RASA4: variants seen among roughly 807,000 people sequenced by gnomAD.
The protein encoded by RASA4 is RAS p21 protein activator 4.
RASA4 carries 5 observed loss-of-function variants against 24.0 expected under a neutral mutation model. The ratio of observed to expected loss-of-function variants is 0.21; its 90% CI spans 0.11 to 0.44. RASA4 has a LOEUF of 0.44. Among genes scored for constraint, RASA4 ranks in the 20% least tolerant of loss-of-function variants. The probability of loss-of-function intolerance (pLI) is 0.99; values close to 1 mark genes in which losing one functional copy is unlikely to be tolerated. For synonymous variants in RASA4, 9 were observed against 132.7 expected (o/e 0.07, Z 6.41); for missense variants, 38 against 293.0 (o/e 0.13, Z 6.35).
chr7:102,579,888 C>T lies in RASA4; in HGVS notation c.*2883G>A. 2.8e-5 allele frequency: 5 copies of T among 176,978 alleles called. No homozygotes were observed. In the South Asian group the frequency reaches 3.0e-4, roughly 10 times the overall value. The allele number at this position is 176,978 out of a possible 1,614,324, so 11.0% of individuals were successfully genotyped here. A position where few individuals can be genotyped will look rare whatever the true frequency, so the allele number is the denominator to read the frequency against. On this transcript the variant is annotated 3_prime_UTR_variant, in exon 21 of 21. Transcript: ENST00000262940. ...TTATCCTAAATATTCCATAAACATTCCACTATGTAGCTCTGAAAGATAAGG... is the reference window on the plus strand; with the variant it reads ...TTATCCTAAATATTCCATAAACATTTCACTATGTAGCTCTGAAAGATAAGG...
chr7:102,604,234 GTTCT>G (rs1263768078), intron 5 of RASA4, among the ~76,000 whole-genome samples: 1 of 150,792 alleles, frequency 6.6e-6, no homozygotes, highest in Non-Finnish European at 1.5e-5. Context: ...ATGAGGAAAT[GTTCT>G]TTCTTTCTCC....
At chr7:102,613,756 G>A (rs1284465649) in intron 1 of RASA4, among the ~76,000 whole-genome samples, 4 of 152,006 alleles carry the variant, frequency 2.6e-5, no homozygotes, top group African/African-American at 9.7e-5. Context: ...AGGAGGATCA[G>A]GGAAAACCCC....
chr7:102,602,724 G>C (rs1790407556), intron 5 of RASA4, among the ~76,000 whole-genome samples: 1 of 120,964 alleles, frequency 8.3e-6, no homozygotes, highest in Non-Finnish European at 1.7e-5. Context: ...GAACCGCCGG[G>C]GCAATGTTCC....
intron 8 of RASA4, 77 bp from the exon 9 acceptor site, chr7:102,596,206 T>G: frequency 7.6e-7 from 1 of 1,309,352 alleles, no homozygotes; most frequent in Non-Finnish European, 1.1e-6. Context: ...GGCCTCCAGT[T>G]TTTTCCCTTG....
At chr7:102,598,363 ATAT>A (rs1790324612) in intron 8 of RASA4, among the ~76,000 whole-genome samples, 3 of 121,712 alleles carry the variant, frequency 2.5e-5, no homozygotes, top group African/African-American at 8.9e-5. Flanking sequence ...AAAAAAAAAT[ATAT>A]ATATATATAT....
chr7:102,584,623 TAA>T (rs1366398815), intron 18 of RASA4, among the ~76,000 whole-genome samples: 7 of 11,982 alleles, frequency 5.8e-4, no homozygotes, highest in Non-Finnish European at 2.9e-3. Flanking sequence ...GGTTGCTGGG[TAA>T]CTTTTGGTTT....
chr7:102,603,224 G>C (rs1790444755), intron 5 of RASA4, among the ~76,000 whole-genome samples: 1 of 139,524 alleles, frequency 7.2e-6, no homozygotes, highest in South Asian at 2.4e-4. Context: ...GCCTCCCAAA[G>C]TGCTGGGATT....
At chr7:102,603,860 A>ACC (rs776553469) in intron 5 of RASA4, among the ~76,000 whole-genome samples, 54 of 98,632 alleles carry the variant, frequency 5.5e-4, no homozygotes, top group Non-Finnish European at 8.1e-4. Context: ...AAAAAAAAAA[A>ACC]CCACCAAAAA....
chr7:102,591,069 G>C (rs1243584692), intron 16 of RASA4, among the ~76,000 whole-genome samples: 2 of 118,970 alleles, frequency 1.7e-5, no homozygotes, highest in Non-Finnish European at 3.4e-5. Flanking sequence ...GATTGCCTGA[G>C]GCCAGGAGTT....
chr7:102,606,395 CAAAAAAAAA>C (rs555519087), intron 4 of RASA4, among the ~76,000 whole-genome samples: 26 of 55,488 alleles, frequency 4.7e-4, no homozygotes, highest in East Asian at 1.7e-3. Flanking sequence ...GACCCCATCT[CAAAAAAAAA>C]AAAAAAAAAA....
Position 102,580,395 on chromosome 7 carries a change from T to C in RASA4, c.*2376A>G, listed in dbSNP as rs1789633828. 2.0e-5 allele frequency: 2 copies of C among 101,764 alleles called. No homozygotes were observed. Among genetic ancestry groups the C allele is most frequent in the Admixed American group, 1.2e-4 (1 of 8,684 alleles). The allele number at this position is 101,764 out of a possible 1,614,324, so 6.3% of individuals were successfully genotyped here. ...TCAAGTCTCCTTTATTTTCCTTTTT[T>C]TTTTTTTTTTTTTTTTAATTTTAGG... On this transcript the variant is annotated 3_prime_UTR_variant, in exon 21 of 21. Transcript: ENST00000262940.
chr7:102,591,061 T>C (rs1488651138), intron 16 of RASA4, among the ~76,000 whole-genome samples: 4 of 124,042 alleles, frequency 3.2e-5, no homozygotes, highest in Admixed American at 7.9e-5. Context: ...GGCAGGAGGA[T>C]TGCCTGAGGC....
chr7:102,585,227 CAA>C lies in RASA4; in HGVS notation c.2105-891_2105-890del, dbSNP rs1209698595. On this transcript the variant is annotated intron_variant, in intron 18 of 20. Coordinates refer to ENST00000262940, the MANE Select transcript of RASA4 (RefSeq NM_006989.6). Reference sequence around the variant, plus strand: ...TATCAGCCAGCCAGCAATGCCCTTGCAAAGAGTCACCAAGAGGCCAGGCACAG... The same window carrying C: ...TATCAGCCAGCCAGCAATGCCCTTGCAGAGTCACCAAGAGGCCAGGCACAG... Among the ~76,000 whole-genome samples the C allele has an allele frequency of 2.2e-3, 8 of 3,612 alleles. No individual in the cohort carries two copies. In the Admixed American group the frequency reaches 0.034, roughly 16 times the overall value. 2.4% of individuals were successfully genotyped at this position (3,612 alleles called of 152,430 possible). A position where few individuals can be genotyped will look rare whatever the true frequency, so the allele number is the denominator to read the frequency against.
At chr7:102,602,992 G>A (rs1236618246) in intron 5 of RASA4, among the ~76,000 whole-genome samples, 5 of 150,518 alleles carry the variant, frequency 3.3e-5, no homozygotes, top group East Asian at 2.0e-4. Context: ...ACGGAGTCTC[G>A]CTCTGTCGCC....
At chr7:102,604,218 G>GA (rs1790511569) in intron 5 of RASA4, among the ~76,000 whole-genome samples, 1 of 150,476 alleles carries the variant, frequency 6.6e-6, no homozygotes, top group African/African-American at 2.4e-5. Context: ...AATCTCCCCA[G>GA]AAAAAATGAG....
At chr7:102,604,159 C>T (rs2133472182) in intron 5 of RASA4, among the ~76,000 whole-genome samples, 1 of 147,542 alleles carries the variant, frequency 6.8e-6, no homozygotes, top group South Asian at 2.2e-4. Flanking sequence ...GCGAGATTGT[C>T]TCAAAAACAA....
At chr7:102,599,734 C>T (rs1204560250) in intron 8 of RASA4, 126 bp downstream of exon 8, 1 of 232,308 alleles carries the variant, frequency 4.3e-6, no homozygotes, top group African/African-American at 2.5e-5. Flanking sequence ...CTGAGGGGAC[C>T]CTGGAGCTGT....
intron 16 of RASA4, among the ~76,000 whole-genome samples, chr7:102,590,692 G>A (rs1324016243): frequency 1.4e-5 from 2 of 144,516 alleles, no homozygotes; most frequent in Non-Finnish European, 3.0e-5. Flanking sequence ...TGTAATCCCA[G>A]CATTTTGGGA....
intron 5 of RASA4, among the ~76,000 whole-genome samples, chr7:102,603,838 C>CAAAAAA (rs148681177): frequency 2.0e-5 from 1 of 50,428 alleles, no homozygotes; most frequent in Admixed American, 2.4e-4. Context: ...CAGACTGCCT[C>CAAAAAA]AAAAAAAAAA....
Sources: allele counts gnomAD v4.1 joint callset (sites outside exome capture counted in the v4.1 genomes callset), GRCh38; gene constraint gnomAD v4.1.1; transcripts MANE v1.5; gene names NCBI Gene and HGNC (gene_info 2026-07-23, HGNC 2026-07-21).